PCDHGB1: variants seen among roughly 807,000 people sequenced by gnomAD.
The protein encoded by PCDHGB1 is protocadherin gamma-B1.
In PCDHGB1, 34 loss-of-function variants were observed where a neutral mutation model predicts 56.6. The observed-to-expected ratio is 0.60, with a 90% CI of 0.46 to 0.80. The LOEUF (loss-of-function observed/expected upper bound fraction) is 0.80. Among genes scored for constraint, PCDHGB1 ranks in the 30% least tolerant of loss-of-function variants. The probability of loss-of-function intolerance (pLI) is 0.00; values close to 1 mark genes in which losing one functional copy is unlikely to be tolerated. For missense variants in PCDHGB1, 1,278 were observed against 1,204.6 expected (o/e 1.06, Z -0.90); for synonymous variants, 561 against 505.9 (o/e 1.11, Z -1.46).
intron 1 of PCDHGB1, among the ~76,000 whole-genome samples, chr5:141,473,246 A>G (rs1045740920): frequency 7.2e-5 from 11 of 152,224 alleles, no homozygotes; most frequent in Admixed American, 4.6e-4. Context: ...AAGTGAATAC[A>G]TATATAGTCC....
rs774456704 is a variant in PCDHGB1, at chr5:141,390,013, C to T, written c.2409+37344C>T. On this transcript the variant is annotated intron_variant, in intron 1 of 3. Coordinates refer to ENST00000523390, the MANE Select transcript of PCDHGB1 (RefSeq NM_018922.3). ...CTCGTGGCCATGATTCTGGCCATTG[C>T]CTTGCGCCTGCGACGCTCCTCCAGC... 1.3e-4 allele frequency: 202 copies of T among 1,613,936 alleles called. No homozygotes were observed. The highest frequency in any genetic ancestry group is 1.6e-4 in the Non-Finnish European group (192 of 1,179,918).
intron 1 of PCDHGB1, chr5:141,394,938 G>C: frequency 6.2e-7 from 1 of 1,613,780 alleles, no homozygotes; most frequent in Admixed American, 1.7e-5. Context: ...CGCCTTTGTC[G>C]CTGTGCTTCT....
intron 1 of PCDHGB1, chr5:141,419,908 C>T: frequency 1.2e-6 from 2 of 1,613,976 alleles, no homozygotes; most frequent in Non-Finnish European, 1.7e-6. Context: ...CACCCTCTGA[C>T]TCCCAGGCTG....
intron 3 of PCDHGB1, among the ~76,000 whole-genome samples, chr5:141,507,625 G>C (rs2099862215): frequency 6.6e-6 from 1 of 152,256 alleles, no homozygotes; most frequent in Non-Finnish European, 1.5e-5. Context: ...AGCTGTTGTG[G>C]CCTTGCGCCC....
intron 1 of PCDHGB1, chr5:141,422,314 C>T: frequency 6.5e-7 from 1 of 1,547,838 alleles, no homozygotes; most frequent in Non-Finnish European, 8.7e-7. Context: ...AAACTCTCCT[C>T]CAGGTACAGT....
chr5:141,418,248 C>T (rs372067603), intron 1 of PCDHGB1: 7 of 1,613,882 alleles, frequency 4.3e-6, no homozygotes, highest in African/African-American at 1.3e-5. Flanking sequence ...AATGACCACG[C>T]CCCTCAATTC....
At chr5:141,413,411 T>TC in intron 1 of PCDHGB1, 1 of 1,614,038 alleles carries the variant, frequency 6.2e-7, no homozygotes, top group Non-Finnish European at 8.5e-7. Flanking sequence ...ACGCAGCTTT[T>TC]CTCTCTGAAC....
At chr5:141,357,138 C>T (rs999487031) in intron 1 of PCDHGB1, 4 of 1,613,416 alleles carry the variant, frequency 2.5e-6, no homozygotes, top group Admixed American at 3.3e-5. Flanking sequence ...TAGTGGTCGT[C>T]CAGGACCATG....
rs538734954 is a variant in PCDHGB1 at position 141,494,863 on chromosome 5, C to T, written c.2466C>T (p.Ser822=). The change falls in exon 2 of 4, where the codon AGC becomes AGT. Residue 822 remains serine, a splice_region_variant and synonymous_variant. Coordinates refer to ENST00000523390, the MANE Select transcript of PCDHGB1 (RefSeq NM_018922.3). The part of the protein sequence containing the change: ...RFSQAQRPGT[S]GSQNGDDTGT... ...CTCAGGCCCAGAGACCCGGCACCAG[C>T]GGGTAGGTGACTGATTCTCCAGCCC... 2 of 1,614,118 alleles carry T rather than the reference C, an allele frequency of 1.2e-6. No individual in the cohort carries two copies. Among genetic ancestry groups the T allele is most frequent in the East Asian group, 2.2e-5 (1 of 44,874 alleles).
At chr5:141,379,868 T>C (rs1775901267) in intron 1 of PCDHGB1, among the ~76,000 whole-genome samples, 1 of 149,208 alleles carries the variant, frequency 6.7e-6, no homozygotes, top group African/African-American at 2.5e-5. Flanking sequence ...CTTATTCTTA[T>C]TTTATGGTCT....
chr5:141,423,906 G>A (rs2096789586), intron 1 of PCDHGB1: 17 of 1,272,396 alleles, frequency 1.3e-5, no homozygotes, highest in Non-Finnish European at 1.7e-5. Context: ...ATTTCAAAGG[G>A]GCCATTCAAC....
intron 1 of PCDHGB1, chr5:141,478,025 A>G (rs939969624): frequency 1.9e-6 from 3 of 1,614,146 alleles, no homozygotes; most frequent in Non-Finnish European, 2.5e-6. Flanking sequence ...AGTCCAAGAC[A>G]CAGATTCACC....
At chr5:141,450,815 A>ATAT (rs1420984335) in intron 1 of PCDHGB1, among the ~76,000 whole-genome samples, 2,245 of 126,710 alleles carry the variant, frequency 0.018, 73 homozygotes, top group African/African-American at 0.063. Flanking sequence ...TATTTATTTA[A>ATAT]TATTATTATT....
intron 1 of PCDHGB1, chr5:141,419,395 G>A: frequency 6.2e-7 from 1 of 1,613,596 alleles, no homozygotes; most frequent in Non-Finnish European, 8.5e-7. Context: ...CGCAGAGCGG[G>A]GTGGTGTTCG....
intron 3 of PCDHGB1, among the ~76,000 whole-genome samples, chr5:141,509,539 A>G (rs749824780): frequency 1.3e-5 from 2 of 152,160 alleles, no homozygotes; most frequent in East Asian, 1.9e-4. Context: ...ATGAAGCACC[A>G]TCTCATTTAG....
At chr5:141,409,741 G>A in intron 1 of PCDHGB1, 2 of 1,613,122 alleles carry the variant, frequency 1.2e-6, no homozygotes, top group Non-Finnish European at 1.7e-6. Context: ...AGAGCGGGGT[G>A]GTGTTCGCGC....
chr5:141,394,996 C>T (rs1331251272), intron 1 of PCDHGB1: 1 of 1,613,916 alleles, frequency 6.2e-7, no homozygotes, highest in African/African-American at 1.3e-5. Flanking sequence ...CTCCAGGATT[C>T]CGGTGGCAGA....
intron 1 of PCDHGB1, chr5:141,389,259 G>C (rs374136353): frequency 6.2e-7 from 1 of 1,613,888 alleles, no homozygotes; most frequent in Non-Finnish European, 8.5e-7. Flanking sequence ...TATAGTCCAC[G>C]TGGCCGAGAA....
At chr5:141,470,124 G>A (rs1038487398) in intron 1 of PCDHGB1, among the ~76,000 whole-genome samples, 4 of 151,358 alleles carry the variant, frequency 2.6e-5, no homozygotes, top group African/African-American at 9.7e-5. Flanking sequence ...GCAAGACTTC[G>A]TCTCAAAAAA....
Sources: allele counts gnomAD v4.1 joint callset (sites outside exome capture counted in the v4.1 genomes callset), GRCh38; gene constraint gnomAD v4.1.1; transcripts MANE v1.5; gene names NCBI Gene and HGNC (gene_info 2026-07-23, HGNC 2026-07-21).